Variants in C1orf185 observed in about 807,000 individuals in gnomAD.
C1orf185 encodes chromosome 1 open reading frame 185.
In C1orf185, 13 loss-of-function variants were observed where a neutral mutation model predicts 16.1. The ratio of observed to expected loss-of-function variants is 0.81; its 90% CI spans 0.53 to 1.28. C1orf185 has a LOEUF of 1.28. Ranked by LOEUF, C1orf185 falls within the 50% of genes most tolerant of loss-of-function variation. The pLI, the probability that C1orf185 is intolerant of heterozygous loss-of-function variation, is 0.00. For synonymous variants in C1orf185, 80 were observed against 76.9 expected (o/e 1.04, Z -0.21); for missense variants, 220 against 225.2 (o/e 0.98, Z 0.15).
intron 1 of C1orf185, among the ~76,000 whole-genome samples, chr1:51,107,801 ATGT>A (rs1317706099): frequency 6.6e-6 from 1 of 152,316 alleles, no homozygotes; most frequent in African/African-American, 2.4e-5. Context: ...AAAATTTATC[ATGT>A]TGTGCATAGT....
At chr1:51,147,382 A>G (rs1646407339) in intron 4 of C1orf185, 85 bp from the exon 5 acceptor site, 1 of 1,250,514 alleles carries the variant, frequency 8.0e-7, no homozygotes, top group Non-Finnish European at 1.1e-6. Flanking sequence ...TCTTTATAGC[A>G]TTATCCTGCC....
At chr1:51,147,328 C>T in intron 4 of C1orf185, 139 bp from the exon 5 acceptor site, 4 of 647,980 alleles carry the variant, frequency 6.2e-6, no homozygotes, top group South Asian at 7.6e-5. Context: ...ATTGCTAATT[C>T]CTAATTACAT....
intron 2 of C1orf185, 122 bp downstream of exon 2, chr1:51,112,691 G>A (rs1476828913): frequency 2.3e-6 from 2 of 888,130 alleles, no homozygotes; most frequent in African/African-American, 1.7e-5. Flanking sequence ...TTGGGATTTG[G>A]TTATAGACCC....
chr1:51,141,501 G>GA (rs1404254283), intron 3 of C1orf185, among the ~76,000 whole-genome samples: 1 of 151,962 alleles, frequency 6.6e-6, no homozygotes, highest in Non-Finnish European at 1.5e-5. Flanking sequence ...TTAAAAAAAA[G>GA]AAAAAAATCA....
rs372867313 is a variant in C1orf185 at position 51,124,150 on chromosome 1, C to T, written c.258+5349C>T. Among the ~76,000 whole-genome samples, 741 of 143,848 alleles carry T rather than the reference C, an allele frequency of 5.2e-3. 7 individuals carry two copies. Among genetic ancestry groups the T allele is most frequent in the African/African-American group, 0.018 (688 of 38,548 alleles). The allele number at this position is 143,848 out of a possible 152,430, so 94.4% of individuals were successfully genotyped here. On this transcript the variant is annotated intron_variant, in intron 3 of 4. Transcript: ENST00000371759. Reference sequence around the variant, plus strand: ...AGGCTGGAGTGCAGTGGCGTGATCTCGGCTTGCTGCAAGCTTCGCCTCCTG... The same window carrying T: ...AGGCTGGAGTGCAGTGGCGTGATCTTGGCTTGCTGCAAGCTTCGCCTCCTG...
intron 3 of C1orf185, among the ~76,000 whole-genome samples, chr1:51,134,916 T>C (rs1646312082): frequency 2.0e-5 from 3 of 152,152 alleles, no homozygotes; most frequent in Admixed American, 6.5e-5. Context: ...CTCTACCAGA[T>C]GTGCAAAGAA....
intron 3 of C1orf185, among the ~76,000 whole-genome samples, chr1:51,141,032 AG>A (rs1646360675): frequency 6.6e-6 from 1 of 152,232 alleles, no homozygotes; most frequent in Admixed American, 6.5e-5. Context: ...CCCAATTCAA[AG>A]GAATCAGTGA....
intron 3 of C1orf185, among the ~76,000 whole-genome samples, chr1:51,123,282 TTGTGGATTAAG>T (rs1290840212): frequency 6.6e-6 from 1 of 152,186 alleles, no homozygotes; most frequent in Non-Finnish European, 1.5e-5. Context: ...TACTGCCACA[TTGTGGATTAAG>T]TGTGGATTAA....
At chr1:51,115,991 T>C (rs990785911) in intron 2 of C1orf185, among the ~76,000 whole-genome samples, 2 of 152,260 alleles carry the variant, frequency 1.3e-5, no homozygotes, top group African/African-American at 2.4e-5. Context: ...AGCTCAGCCA[T>C]TTACTGAGAC....
chr1:51,111,373 TC>T lies in C1orf185; in HGVS notation c.17-1090del, dbSNP rs377438138. Among the ~76,000 whole-genome samples, 365 of 140,036 alleles carry T rather than the reference TC, an allele frequency of 2.6e-3. 54 individuals carry two copies. Among genetic ancestry groups the T allele is most frequent in the African/African-American group, 3.5e-3 (125 of 36,220 alleles). 91.9% of individuals were successfully genotyped at this position (140,036 alleles called of 152,430 possible). On this transcript the variant is annotated intron_variant, in intron 1 of 4. Coordinates refer to ENST00000371759, the MANE Select transcript of C1orf185 (RefSeq NM_001136508.2). ...TTGCTTTCATTTAGCTTTCTTTCTTTCTTTTTTTTTTTTTTTGAGAGACAGG... is the reference window on the plus strand; with the variant it reads ...TTGCTTTCATTTAGCTTTCTTTCTTTTTTTTTTTTTTTTTTGAGAGACAGG...
chr1:51,104,940 A>T (rs1243367186), intron 1 of C1orf185, among the ~76,000 whole-genome samples: 1 of 151,828 alleles, frequency 6.6e-6, no homozygotes, highest in African/African-American at 2.4e-5. Flanking sequence ...TATGCTCCAT[A>T]ATCGTGTGTT....
In C1orf185 at chr1:51,134,596, TA is replaced by T. The variant is rs377655722; in HGVS notation, c.259-11127del. Reference sequence around the variant, plus strand: ...AAAAATAAAATAAAATAAAATAAAATAGACCACTAGCTAGACTAACATAGAG... The same window carrying T: ...AAAAATAAAATAAAATAAAATAAAATGACCACTAGCTAGACTAACATAGAG... On this transcript the variant is annotated intron_variant, in intron 3 of 4. Transcript: ENST00000371759. 3.6e-3 allele frequency among the ~76,000 whole-genome samples: 546 copies of T among 151,616 alleles called. 1 individual carries two copies. Among genetic ancestry groups the T allele is most frequent in the Non-Finnish European group, 4.4e-3 (300 of 67,872 alleles).
intron 1 of C1orf185, among the ~76,000 whole-genome samples, chr1:51,106,255 A>G (rs1646071380): frequency 6.6e-6 from 1 of 152,154 alleles, no homozygotes; most frequent in Non-Finnish European, 1.5e-5. Flanking sequence ...CATGGTAGAA[A>G]ATTTGATATA....
chr1:51,151,666 A>T (rs1296637736), downstream of C1orf185, among the ~76,000 whole-genome samples: 1 of 151,894 alleles, frequency 6.6e-6, no homozygotes, highest in East Asian at 1.9e-4. Context: ...ACATTTAAAA[A>T]TTTATTTTAT....
At chr1:51,152,095 C>T (rs1315133820), downstream of C1orf185, among the ~76,000 whole-genome samples, 1 of 152,180 alleles carries the variant, frequency 6.6e-6, no homozygotes, top group East Asian at 1.9e-4. Flanking sequence ...GCTGGGACTA[C>T]AGGAGCACGT....
At chr1:51,102,812 A>C (rs370610599) in intron 1 of C1orf185, among the ~76,000 whole-genome samples, 1 of 151,872 alleles carries the variant, frequency 6.6e-6, no homozygotes, top group African/African-American at 2.4e-5. Context: ...TTGTATGCTA[A>C]GCTCATTAGT....
intron 3 of C1orf185, among the ~76,000 whole-genome samples, chr1:51,142,550 A>T (rs1646371985): frequency 6.6e-6 from 1 of 152,234 alleles, no homozygotes; most frequent in Non-Finnish European, 1.5e-5. Flanking sequence ...AGAAGTTTTT[A>T]GCTATGAATT....
chr1:51,103,423 A>ACT (rs1358915559), intron 1 of C1orf185, among the ~76,000 whole-genome samples: 3 of 147,502 alleles, frequency 2.0e-5, no homozygotes, highest in African/African-American at 7.9e-5. Context: ...ACACACACAC[A>ACT]CACACACACA....
chr1:51,134,521 C>CA (rs140822937), intron 3 of C1orf185, among the ~76,000 whole-genome samples: 4 of 150,526 alleles, frequency 2.7e-5, no homozygotes, highest in African/African-American at 9.8e-5. Context: ...GAGACACACA[C>CA]AAAAAAAAAA....
Sources: gnomAD v4.1 joint callset for allele counts (sites outside exome capture counted in the v4.1 genomes callset) on GRCh38, gnomAD v4.1.1 for gene constraint, MANE v1.5 for transcripts, NCBI Gene and HGNC (gene_info 2026-07-23, HGNC 2026-07-21) for gene names.